Variants in KANK1 observed in about 807,000 individuals in gnomAD.
KANK1 encodes KN motif and ankyrin repeat domains 1, also known as KN motif and ankyrin repeat domain-containing protein 1.
A neutral mutation model predicts 106.2 loss-of-function variants in KANK1; 109 were observed. That is an observed-to-expected ratio of 1.03 (90% CI 0.88 to 1.20). The LOEUF is 1.20. Among genes scored for constraint, KANK1 ranks in the 50% most tolerant of loss-of-function variants. The pLI is 0.00. For synonymous variants in KANK1, 873 were observed against 652.2 expected, an observed-to-expected ratio of 1.34 and a Z score of -5.16; for missense variants, 2,399 against 1,710.7, an observed-to-expected ratio of 1.40 and a Z score of -7.10.
intron 4 of KANK1, 56 bp downstream of exon 4, chr9:730,304 G>C: frequency 6.6e-7 from 1 of 1,518,388 alleles, no homozygotes; most frequent in Non-Finnish European, 9.1e-7. Flanking sequence ...AGCATTGCCA[G>C]CATTCCAATT....
intron 1 of KANK1, among the ~76,000 whole-genome samples, chr9:630,509 C>T (rs1835433558): frequency 6.6e-6 from 1 of 151,884 alleles, no homozygotes; most frequent in Admixed American, 6.6e-5. Flanking sequence ...TGAGATCCCG[C>T]CACTGCACTG....
At chr9:498,001 T>C (rs539467486) in intron 3 of KANK1, among the ~76,000 whole-genome samples, 57 of 152,306 alleles carry the variant, frequency 3.7e-4, no homozygotes, top group Middle Eastern at 3.4e-3. Context: ...CCTGACTTGC[T>C]TCCTTGCTGC....
chr9:566,128 G>C (rs1817746553), intron 1 of KANK1, among the ~76,000 whole-genome samples: 1 of 152,198 alleles, frequency 6.6e-6, no homozygotes, highest in South Asian at 2.1e-4. Flanking sequence ...TTGGTTTTCT[G>C]TTCCTGCGTT....
rs201975858 is a variant in KANK1 at position 591,627 on chromosome 9, G to A, written c.-83-85263G>A. Among the ~76,000 whole-genome samples the A allele has an allele frequency of 4.6e-5, 7 of 151,230 alleles. No individual in the cohort carries two copies. The East Asian group carries it at 9.7e-4, about 21-fold the overall frequency. On this transcript the variant is annotated intron_variant, in intron 1 of 11. Transcript: ENST00000382297. ...TTGCTTGGGAAATGTGTGCACACGC[G>A]CACACACACACACTCTTTTGAGCAC...
intron 1 of KANK1, among the ~76,000 whole-genome samples, chr9:581,497 C>G (rs1255905252): frequency 7.3e-6 from 1 of 137,196 alleles, no homozygotes; most frequent in Non-Finnish European, 1.6e-5. Flanking sequence ...TAAGAAAATA[C>G]ATAGGTTACT....
chr9:503,051 A>C (rs549710254), upstream of KANK1, among the ~76,000 whole-genome samples: 3 of 92,524 alleles, frequency 3.2e-5, no homozygotes, highest in South Asian at 9.7e-4. Flanking sequence ...ATTTCACTGT[A>C]TTGCCCAGAA....
intron 1 of KANK1, chr9:558,724 G>A (rs1040441680): frequency 6.6e-6 from 1 of 151,634 alleles, no homozygotes; most frequent in African/African-American, 2.4e-5. Flanking sequence ...AGCCACAAAA[G>A]GGACATTTGT....
chr9:674,602 T>A (rs1300015562), intron 1 of KANK1, among the ~76,000 whole-genome samples: 1 of 152,178 alleles, frequency 6.6e-6, no homozygotes, highest in Non-Finnish European at 1.5e-5. Flanking sequence ...CCTTATAATC[T>A]TCATGATTGT....
rs374075204 is a variant in KANK1 at position 514,099 on chromosome 9, A to C, written c.-84+9345A>C. ...CCTCCTCTCCTTCCCTCCTTCTCTT[A>C]CTCCCTCCCTCTCTTCCTCCCTCTC... is the stretch of plus-strand genomic sequence containing the variant. On this transcript the variant is annotated intron_variant, in intron 1 of 11. Transcript: ENST00000382297. 6.3e-3 allele frequency among the ~76,000 whole-genome samples: 692 copies of C among 109,524 alleles called. 8 individuals are homozygous for C. The highest frequency in any genetic ancestry group is 7.9e-3 in the Non-Finnish European group (419 of 52,968). 71.9% of individuals were successfully genotyped at this position (109,524 alleles called of 152,430 possible).
Position 572,042 on chromosome 9 carries a change from C to A in KANK1, c.-84+67288C>A, listed in dbSNP as rs191872120. On this transcript the variant is annotated intron_variant, in intron 1 of 11. Transcript: ENST00000382297. ...CTTTGGAGGTTGCTGGGAGGAGATG[C>A]TTATTTTCCTTTTTTAGGGCATTTC... 8.6e-5 allele frequency among the ~76,000 whole-genome samples: 13 copies of A among 151,674 alleles called. No individual in the cohort carries two copies. The East Asian group carries it at 2.5e-3, about 29-fold the overall frequency.
intron 1 of KANK1, among the ~76,000 whole-genome samples, chr9:670,241 A>G (rs1488726285): frequency 1.3e-5 from 2 of 152,024 alleles, no homozygotes; most frequent in African/African-American, 4.8e-5. Context: ...TCCTTGCTTT[A>G]TACATTTGGG....
At chr9:683,306 G>C (rs1817931625) in intron 2 of KANK1, among the ~76,000 whole-genome samples, 1 of 152,200 alleles carries the variant, frequency 6.6e-6, no homozygotes, top group Admixed American at 6.5e-5. Flanking sequence ...CCCATAAGTA[G>C]TGTGTTGGAG....
chr9:678,393 G>A (rs1816825342), intron 2 of KANK1, among the ~76,000 whole-genome samples: 1 of 152,056 alleles, frequency 6.6e-6, no homozygotes, highest in Non-Finnish European at 1.5e-5. Flanking sequence ...TCATCCCTAT[G>A]TAATGTCACA....
chr9:717,364 C>G (rs1396678323), intron 3 of KANK1, among the ~76,000 whole-genome samples: 2 of 152,184 alleles, frequency 1.3e-5, no homozygotes, highest in East Asian at 3.8e-4. Context: ...CTGGCACACT[C>G]CTGTGGTAGC....
intron 1 of KANK1, among the ~76,000 whole-genome samples, chr9:624,589 G>A (rs1833910727): frequency 6.6e-6 from 1 of 152,016 alleles, no homozygotes; most frequent in Admixed American, 6.6e-5. Flanking sequence ...GATCACTTGA[G>A]ATCAGGAGTT....
intron 1 of KANK1, among the ~76,000 whole-genome samples, chr9:639,544 T>C (rs1296647396): frequency 2.0e-5 from 3 of 152,072 alleles, no homozygotes; most frequent in Non-Finnish European, 4.4e-5. Flanking sequence ...CTTGAACTCC[T>C]GGCCTCAAGT....
intron 3 of KANK1, among the ~76,000 whole-genome samples, chr9:726,805 C>G (rs1396327344): frequency 6.6e-6 from 1 of 151,654 alleles, no homozygotes; most frequent in Non-Finnish European, 1.5e-5. Context: ...ACTAACAATA[C>G]AAAAATTAGC....
chr9:553,740 A>G (rs2061413577), intron 1 of KANK1, among the ~76,000 whole-genome samples: 1 of 152,184 alleles, frequency 6.6e-6, no homozygotes, highest in Non-Finnish European at 1.5e-5. Context: ...AACTTTGGTA[A>G]ATTCAAAGCT....
At position 711,445 on chromosome 9, in the gene KANK1, C is replaced by G; in HGVS notation, c.679C>G (p.Pro227Ala). 3 of 1,614,118 alleles carry G rather than the reference C, an allele frequency of 1.9e-6. No homozygotes were observed. Among genetic ancestry groups the G allele is most frequent in the Non-Finnish European group, 1.7e-6 (2 of 1,180,038 alleles). The change falls in exon 3 of 12, where the codon CCA becomes GCA. Residue 227 changes from proline (P) to alanine (A), a missense_variant. Pro to Ala is a conservative substitution (Grantham distance 27, BLOSUM62 -1). Transcript: ENST00000382297. Reference sequence around the variant, plus strand: ...TAATGGGGATTATGGTAGCTATGCCCCAGCTGCTCCCACCACTTCCTCCAT... The same window carrying G: ...TAATGGGGATTATGGTAGCTATGCCGCAGCTGCTCCCACCACTTCCTCCAT... Reference protein sequence around the residue: ...QGNGDYGSYAPAAPTTSSMGS... With the variant: ...QGNGDYGSYAAAAPTTSSMGS...
Sources: allele counts gnomAD v4.1 joint callset (sites outside exome capture counted in the v4.1 genomes callset), GRCh38; gene constraint gnomAD v4.1.1; transcripts MANE v1.5; gene names NCBI Gene and HGNC (gene_info 2026-07-23, HGNC 2026-07-21).